The following ACOXL variants were observed in gnomAD, a reference collection of about 807,000 sequenced individuals.
The protein encoded by ACOXL is acyl-CoA oxidase like.
A neutral mutation model predicts 71.9 loss-of-function variants in ACOXL; 70 were observed. That is an observed-to-expected ratio of 0.97 (90% CI 0.80 to 1.19). The LOEUF is 1.19. Among genes scored for constraint, ACOXL ranks in the 50% most tolerant of loss-of-function variants. ACOXL has a pLI of 0.00. For missense variants in ACOXL, 703 were observed against 736.3 expected, an observed-to-expected ratio of 0.95 and a Z score of 0.52; for synonymous variants, 253 against 281.6, an observed-to-expected ratio of 0.90 and a Z score of 1.02.
chr2:110,782,685 A>C, intron 2 of ACOXL, among the ~76,000 whole-genome samples: 1 of 152,232 alleles, frequency 6.6e-6, no homozygotes, highest in East Asian at 1.9e-4. Context: ...CAAAGTGGTG[A>C]GTAAAAATGA....
At position 111,020,733 on chromosome 2, in the gene ACOXL, C is replaced by T. The variant is rs143437042; in HGVS notation, c.1282-10894C>T. ...CTTTGTGAACAATGATGTGGGCTCT[C>T]ATGCAGCTGTGCTGAACCAGCTGTG... is the stretch of plus-strand genomic sequence containing the variant. On this transcript the variant is annotated intron_variant, in intron 14 of 17. Transcript: ENST00000439055. Among the ~76,000 whole-genome samples, 671 of 152,300 alleles carry T rather than the reference C, an allele frequency of 4.4e-3. 5 individuals are homozygous for T. The highest frequency in any genetic ancestry group is 0.015 in the African/African-American group (638 of 41,558).
chr2:110,943,193 GGAAAGA>G (rs2060953723), intron 12 of ACOXL, among the ~76,000 whole-genome samples: 1 of 126,906 alleles, frequency 7.9e-6, no homozygotes, highest in Non-Finnish European at 1.6e-5. Flanking sequence ...AAGGAAGGAA[GGAAAGA>G]GAAAGGAAAG....
At position 110,801,733 on chromosome 2, in the gene ACOXL, T is replaced by C; in HGVS notation, c.620+9T>C. 6.2e-7 allele frequency: 1 copy of C among 1,612,976 alleles called. No homozygotes were observed. The highest frequency in any genetic ancestry group is 8.5e-7 in the Non-Finnish European group (1 of 1,178,926). ...GAGAACCTGCTGGATAAGTGAGTAG[T>C]TTCTCCTTAACTCAGGTCAATGGTG... On this transcript the variant is annotated intron_variant, in intron 8 of 17. Transcript: ENST00000439055.
intron 12 of ACOXL, among the ~76,000 whole-genome samples, chr2:110,958,144 CAT>C (rs2149436688): frequency 6.6e-6 from 1 of 152,118 alleles, no homozygotes; most frequent in South Asian, 2.1e-4. Context: ...CGCACACACA[CAT>C]GCACACACAC....
chr2:110,828,816 AT>A (rs201819401), intron 9 of ACOXL, among the ~76,000 whole-genome samples: 2,066 of 145,016 alleles, frequency 0.014, 27 homozygotes, highest in African/African-American at 0.033. Context: ...CTATCTTGCT[AT>A]TTTTTTTTTT....
At chr2:111,111,306 C>T (rs2069939538) in intron 17 of ACOXL, among the ~76,000 whole-genome samples, 1 of 151,928 alleles carries the variant, frequency 6.6e-6, no homozygotes, top group African/African-American at 2.4e-5. Flanking sequence ...CACCATGTTG[C>T]CCAGACTTGT....
At chr2:111,007,622 T>A (rs1293516378) in intron 14 of ACOXL, among the ~76,000 whole-genome samples, 2 of 152,198 alleles carry the variant, frequency 1.3e-5, no homozygotes, top group African/African-American at 4.8e-5. Flanking sequence ...ATTTCTCATC[T>A]TGTAGTTTCC....
chr2:110,759,381 T>G (rs2104888418), intron 1 of ACOXL, among the ~76,000 whole-genome samples: 1 of 152,336 alleles, frequency 6.6e-6, no homozygotes, highest in South Asian at 2.1e-4. Context: ...GCATGTTTAT[T>G]TAGGATAGTT....
chr2:111,032,111 T>C (rs1469015591), intron 15 of ACOXL, among the ~76,000 whole-genome samples: 1 of 152,154 alleles, frequency 6.6e-6, no homozygotes, highest in Non-Finnish European at 1.5e-5. Flanking sequence ...TTAACAGGGG[T>C]CCTGCCTGAG....
At chr2:111,011,334 A>C (rs2064144979) in intron 14 of ACOXL, among the ~76,000 whole-genome samples, 1 of 152,232 alleles carries the variant, frequency 6.6e-6, no homozygotes, top group Non-Finnish European at 1.5e-5. Context: ...TGGAAGAAGA[A>C]ACAAAAATCA....
intron 1 of ACOXL, among the ~76,000 whole-genome samples, chr2:110,762,431 TC>T (rs1680527133): frequency 6.6e-6 from 1 of 152,208 alleles, no homozygotes; most frequent in Admixed American, 6.5e-5. Context: ...TTTCTTACCT[TC>T]CTGTAGATTA....
chr2:110,879,668 C>T (rs1446771041), intron 10 of ACOXL, among the ~76,000 whole-genome samples: 15 of 152,074 alleles, frequency 9.9e-5, no homozygotes, highest in Non-Finnish European at 1.9e-4. Context: ...CTTAAACGCT[C>T]CAGAACAGTT....
At chr2:110,847,330 A>C (rs1692034715) in intron 10 of ACOXL, among the ~76,000 whole-genome samples, 1 of 152,168 alleles carries the variant, frequency 6.6e-6, no homozygotes, top group South Asian at 2.1e-4. Flanking sequence ...AGAGGTGAGC[A>C]TCACCCCTTT....
chr2:110,901,364 G>T (rs1421847468), intron 10 of ACOXL, among the ~76,000 whole-genome samples: 3 of 152,142 alleles, frequency 2.0e-5, no homozygotes, highest in African/African-American at 7.2e-5. Flanking sequence ...CAGAGCCACA[G>T]ACTCTCATCT....
intron 1 of ACOXL, among the ~76,000 whole-genome samples, chr2:110,740,224 A>C (rs1255571321): frequency 6.6e-6 from 1 of 152,212 alleles, no homozygotes; most frequent in African/African-American, 2.4e-5. Flanking sequence ...GAAAACGCTG[A>C]CCAATATTGC....
At chr2:110,936,101 T>TA (rs1401659365) in intron 12 of ACOXL, among the ~76,000 whole-genome samples, 3 of 152,090 alleles carry the variant, frequency 2.0e-5, no homozygotes, top group African/African-American at 4.8e-5. Flanking sequence ...CATGGTCTGG[T>TA]ACTGGTCCAT....
intron 14 of ACOXL, among the ~76,000 whole-genome samples, chr2:111,023,005 C>G (rs2064843728): frequency 6.6e-6 from 1 of 152,118 alleles, no homozygotes; most frequent in Non-Finnish European, 1.5e-5. Context: ...GTGTTGGCCT[C>G]TACTTGTCTA....
At chr2:110,946,514 C>G (rs2061114234) in intron 12 of ACOXL, among the ~76,000 whole-genome samples, 1 of 152,096 alleles carries the variant, frequency 6.6e-6, no homozygotes, top group Non-Finnish European at 1.5e-5. Flanking sequence ...AGTTGAGAGC[C>G]ATATCTTAAA....
At chr2:110,799,557 G>A (rs1017668999) in intron 7 of ACOXL, among the ~76,000 whole-genome samples, 2 of 152,184 alleles carry the variant, frequency 1.3e-5, no homozygotes, top group Non-Finnish European at 1.5e-5. Flanking sequence ...AACAACAGAA[G>A]TGTATTGTCT....
Sources: gnomAD v4.1 joint callset for allele counts (sites outside exome capture counted in the v4.1 genomes callset) on GRCh38, gnomAD v4.1.1 for gene constraint, MANE v1.5 for transcripts, NCBI Gene and HGNC (gene_info 2026-07-23, HGNC 2026-07-21) for gene names.